Variants in NIPAL2 observed in about 807,000 individuals in gnomAD.
NIPAL2 encodes the protein NIPA-like protein 2.
A neutral mutation model predicts 48.9 loss-of-function variants in NIPAL2; 43 were observed. The observed-to-expected ratio is 0.88, with a 90% CI of 0.69 to 1.13. The LOEUF is 1.13. Among genes scored for constraint, NIPAL2 ranks in the 50% most tolerant of loss-of-function variants. The pLI, the probability that NIPAL2 is intolerant of heterozygous loss-of-function variation, is 0.00. For missense variants in NIPAL2, 446 were observed against 461.4 expected (o/e 0.97, Z 0.31); for synonymous variants, 167 against 174.6 (o/e 0.96, Z 0.34).
intron 1 of NIPAL2, among the ~76,000 whole-genome samples, chr8:98,265,504 T>A (rs1408998268): frequency 9.6e-4 from 116 of 121,256 alleles, no homozygotes; most frequent in African/African-American, 3.5e-3. Flanking sequence ...AAGAAGACAT[T>A]TGTGTAGCCA....
chr8:98,231,214 T>A (rs541439932), intron 4 of NIPAL2, among the ~76,000 whole-genome samples: 1 of 152,288 alleles, frequency 6.6e-6, no homozygotes, highest in Non-Finnish European at 1.5e-5. Flanking sequence ...GACCCCTCGA[T>A]TGAAAATCTC....
chr8:98,203,351 T>C lies in NIPAL2; in HGVS notation c.792-155A>G, dbSNP rs184291988. ...TTCCAATCAGCAGTCATAGCTTATA[T>C]GCATCTGATGTATGAGATCAGATGT... On this transcript the variant is annotated intron_variant, in intron 7 of 10. Coordinates refer to ENST00000430223, the MANE Select transcript of NIPAL2 (RefSeq NM_001321635.2). 2.6e-5 allele frequency among the ~76,000 whole-genome samples: 4 copies of C among 152,356 alleles called. 1 individual carries two copies. Among genetic ancestry groups the C allele is most frequent in the Admixed American group, 2.6e-4 (4 of 15,308 alleles).
At chr8:98,258,769 T>C (rs902289637) in intron 1 of NIPAL2, among the ~76,000 whole-genome samples, 6 of 45,942 alleles carry the variant, frequency 1.3e-4, no homozygotes, top group South Asian at 8.7e-4. Context: ...GATTTCTATA[T>C]GCCACTTCCC....
In NIPAL2 at chr8:98,193,079, A is replaced by G. The variant is rs746493655; in HGVS notation, c.1051T>C (p.Leu351=). ...TGTGAATCTGGTTGTATTTTGTCCA[A>G]CATTTGTTTCCCTGTGGAGATAATA... ...DFGNIPGKQM[L]DKIQPDSHSL... The change falls in exon 11 of 11, where the codon TTG becomes CTG. Residue 351 remains leucine (L), a synonymous_variant. Transcript: ENST00000430223. 1 of 1,612,762 alleles carries G rather than the reference A, an allele frequency of 6.2e-7. No individual in the cohort carries two copies. The highest frequency in any genetic ancestry group is 1.7e-5 in the Admixed American group (1 of 60,026).
intron 4 of NIPAL2, among the ~76,000 whole-genome samples, chr8:98,233,575 C>G (rs1483803580): frequency 1.3e-5 from 2 of 152,066 alleles, no homozygotes; most frequent in Non-Finnish European, 2.9e-5. Flanking sequence ...TACTAGGTTG[C>G]CTGTACAGTT....
intron 4 of NIPAL2, among the ~76,000 whole-genome samples, chr8:98,223,631 T>C (rs1441919043): frequency 6.6e-6 from 1 of 152,216 alleles, no homozygotes; most frequent in Non-Finnish European, 1.5e-5. Flanking sequence ...GTTCCTCGTA[T>C]GCAAATGACT....
chr8:98,292,013 C>T (rs1324677159), intron 1 of NIPAL2, among the ~76,000 whole-genome samples: 1 of 152,206 alleles, frequency 6.6e-6, no homozygotes, highest in African/African-American at 2.4e-5. Flanking sequence ...ATGATAATCA[C>T]TTTGGAAGGG....
At chr8:98,246,908 TG>T (rs1461766419) in intron 3 of NIPAL2, among the ~76,000 whole-genome samples, 3 of 152,244 alleles carry the variant, frequency 2.0e-5, no homozygotes, top group Non-Finnish European at 4.4e-5. Context: ...AAGTCTGCCA[TG>T]AAGCTATTTA....
intron 1 of NIPAL2, among the ~76,000 whole-genome samples, chr8:98,277,844 A>T (rs1255475248): frequency 1.3e-5 from 2 of 152,196 alleles, no homozygotes; most frequent in African/African-American, 2.4e-5. Flanking sequence ...CATTGCAAGA[A>T]CATACTACAT....
intron 1 of NIPAL2, among the ~76,000 whole-genome samples, chr8:98,283,235 T>TA (rs1815958468): frequency 6.6e-6 from 1 of 152,240 alleles, no homozygotes; most frequent in East Asian, 1.9e-4. Flanking sequence ...GCCTGAGTTT[T>TA]ACTAAGAAGC....
intron 2 of NIPAL2, among the ~76,000 whole-genome samples, chr8:98,253,669 G>A (rs567807965): frequency 4.6e-5 from 7 of 152,194 alleles, no homozygotes; most frequent in East Asian, 1.9e-4. Flanking sequence ...AAAAGTGTCC[G>A]AATCCCATCT....
intron 8 of NIPAL2, among the ~76,000 whole-genome samples, chr8:98,199,097 C>G (rs1461260594): frequency 1.3e-5 from 2 of 151,924 alleles, no homozygotes; most frequent in African/African-American, 4.8e-5. Flanking sequence ...GCTGCGATTA[C>G]AGTCATGTGC....
Position 98,232,166 on chromosome 8 carries a change from CAG to C in NIPAL2, c.436+3987_436+3988del, listed in dbSNP as rs1246185100. Among the ~76,000 whole-genome samples the C allele has an allele frequency of 8.1e-4, 123 of 152,230 alleles. 2 individuals are homozygous for C. In the Middle Eastern group the frequency reaches 0.014, roughly 17 times the overall value. On this transcript the variant is annotated intron_variant, in intron 4 of 10. Transcript: ENST00000430223. The stretch of plus-strand genomic sequence containing the variant: ...AAATATGAAGTGGGTTACGACATCT[CAG>C]ATGATGATAATCTTAGGATATCGCT...
chr8:98,206,115 G>C (rs932794204), intron 6 of NIPAL2, among the ~76,000 whole-genome samples: 2 of 152,112 alleles, frequency 1.3e-5, no homozygotes, highest in Non-Finnish European at 2.9e-5. Context: ...GTCCCTCGAA[G>C]TTACTGTTGC....
chr8:98,198,959 CTT>C (rs1054384118), intron 8 of NIPAL2, among the ~76,000 whole-genome samples: 18 of 140,690 alleles, frequency 1.3e-4, no homozygotes, highest in Admixed American at 1.4e-4. Flanking sequence ...TTTTTCTTTT[CTT>C]TTTTTTTTTT....
intron 4 of NIPAL2, among the ~76,000 whole-genome samples, chr8:98,230,017 G>A (rs1396325503): frequency 1.3e-5 from 2 of 152,204 alleles, no homozygotes; most frequent in Non-Finnish European, 2.9e-5. Context: ...AGGAAATTGA[G>A]TCACAGAAGA....
chr8:98,192,930 TA>T lies in NIPAL2; in HGVS notation c.*47del. On this transcript the variant is annotated 3_prime_UTR_variant, in exon 11 of 11. Transcript: ENST00000430223. ...CACAAATTGAACATGTGCAATTTTTTAAAAAGGTGGTATCGAATAACAGGCC... is the reference window on the plus strand; with the variant it reads ...CACAAATTGAACATGTGCAATTTTTTAAAAGGTGGTATCGAATAACAGGCC... 8.4e-7 allele frequency: 1 copy of T among 1,192,078 alleles called. No homozygotes were observed. 73.8% of individuals were successfully genotyped at this position (1,192,078 alleles called of 1,614,324 possible).
chr8:98,285,211 TA>T (rs1816084482), intron 1 of NIPAL2, among the ~76,000 whole-genome samples: 1 of 152,146 alleles, frequency 6.6e-6, no homozygotes, highest in Non-Finnish European at 1.5e-5. Flanking sequence ...GGAGTGGTGT[TA>T]GCCCAAGGGT....
chr8:98,236,865 A>G (rs1378572163), intron 3 of NIPAL2, among the ~76,000 whole-genome samples: 1 of 151,182 alleles, frequency 6.6e-6, no homozygotes, highest in African/African-American at 2.4e-5. Context: ...AAAAAAAAAA[A>G]AAAAAAAAAA....
Sources: allele counts gnomAD v4.1 joint callset (sites outside exome capture counted in the v4.1 genomes callset), GRCh38; gene constraint gnomAD v4.1.1; transcripts MANE v1.5; gene names NCBI Gene and HGNC (gene_info 2026-07-23, HGNC 2026-07-21).